TULP3: variants seen among roughly 807,000 people sequenced by gnomAD.
The protein encoded by TULP3 is tubby-related protein 3.
In TULP3, 38 loss-of-function variants were observed where a neutral mutation model predicts 50.7. The observed-to-expected ratio is 0.75, with a 90% CI of 0.58 to 0.98. The LOEUF (loss-of-function observed/expected upper bound fraction) is 0.98, where lower values mean the gene tolerates loss of function less well. TULP3 is among the 50% of genes least tolerant of loss of function. The pLI is 0.00. For missense variants in TULP3, 550 were observed against 568.0 expected (o/e 0.97, Z 0.32); for synonymous variants, 183 against 196.6 (o/e 0.93, Z 0.58).
intron 1 of TULP3, among the ~76,000 whole-genome samples, chr12:2,897,060 G>C (rs897648867): frequency 6.6e-6 from 1 of 152,082 alleles, no homozygotes; most frequent in Admixed American, 6.6e-5. Context: ...CTAGGCTGGA[G>C]TGCAGTGGCA....
Position 2,920,248 on chromosome 12 carries a change from G to A in TULP3, c.94-515G>A, listed in dbSNP as rs137941799. ...GTGTGGGACAGGTGCAGTGGCTCAC[G>A]CCTGTAATCCCAACACTTTGGGAGG... On this transcript the variant is annotated intron_variant, in intron 2 of 10. Transcript: ENST00000448120. Among the ~76,000 whole-genome samples, 20 of 152,266 alleles carry A rather than the reference G, an allele frequency of 1.3e-4. No homozygotes were observed. In the East Asian group the frequency reaches 3.1e-3, roughly 24 times the overall value.
At chr12:2,892,873 AT>A (rs55689820) in intron 1 of TULP3, among the ~76,000 whole-genome samples, 2,683 of 137,384 alleles carry the variant, frequency 0.02, 66 homozygotes, top group African/African-American at 0.059. Context: ...TTTAATTTTA[AT>A]TTTTTTTTTT....
At chr12:2,930,957 T>G in intron 5 of TULP3, 80 bp from the exon 6 acceptor site, 1 of 1,485,728 alleles carries the variant, frequency 6.7e-7, no homozygotes, top group East Asian at 2.3e-5. Context: ...ACTAAGTTGC[T>G]TTGTCCACTA....
At chr12:2,894,644 C>T (rs1223025707) in intron 1 of TULP3, among the ~76,000 whole-genome samples, 6 of 151,866 alleles carry the variant, frequency 4.0e-5, no homozygotes, top group African/African-American at 1.5e-4. Flanking sequence ...GCCTGTAATC[C>T]CAGCACTTTG....
intron 2 of TULP3, among the ~76,000 whole-genome samples, chr12:2,911,617 A>T (rs531378475): frequency 7.5e-6 from 1 of 132,610 alleles, no homozygotes; most frequent in Non-Finnish European, 1.5e-5. Context: ...CGCCCGCCTT[A>T]GCCTCCCAAA....
At chr12:2,913,250 TTTTTTTTA>T (rs1303608643) in intron 2 of TULP3, among the ~76,000 whole-genome samples, 1 of 42,222 alleles carries the variant, frequency 2.4e-5, no homozygotes, top group Non-Finnish European at 4.3e-5. Flanking sequence ...GGCCTTTTAT[TTTTTTTTA>T]TTTTTTTGAG....
intron 1 of TULP3, among the ~76,000 whole-genome samples, chr12:2,906,879 G>A (rs2098182623): frequency 6.6e-6 from 1 of 151,896 alleles, no homozygotes; most frequent in South Asian, 2.1e-4. Flanking sequence ...TCACGTCATT[G>A]TACTCCAGCC....
chr12:2,906,554 T>C (rs1350055259), intron 1 of TULP3, among the ~76,000 whole-genome samples: 2 of 151,034 alleles, frequency 1.3e-5, no homozygotes, highest in East Asian at 4.0e-4. Flanking sequence ...GTCTCGAACT[T>C]CTGGGCTCAG....
At chr12:2,930,717 C>G (rs1378341896) in intron 5 of TULP3, among the ~76,000 whole-genome samples, 1 of 152,126 alleles carries the variant, frequency 6.6e-6, no homozygotes, top group Non-Finnish European at 1.5e-5. Flanking sequence ...GCCACCGTGC[C>G]CAGCCCTCAA....
Position 2,933,517 on chromosome 12 carries a change from G to A in TULP3, c.796G>A (p.Val266Ile). The A allele has an allele frequency of 6.2e-7, 1 of 1,612,962 alleles. No individual in the cohort carries two copies. The highest frequency in any genetic ancestry group is 1.1e-5 in the South Asian group (1 of 91,032). ...TTTATCTCGTGAAGGAGAAAGTTAT[G>A]TCGGCAAGCTTAGGTGAAAGCAACC... ...VDLSREGESY[V>I]GKLRSNLMGT... is the part of the protein sequence containing the mutation. The change falls in exon 7 of 11, where the codon GTC becomes ATC. Residue 266 changes from valine to isoleucine, a missense_variant. By Grantham distance (29) the Val-to-Ile change is conservative (BLOSUM62 3). Coordinates refer to ENST00000448120, the MANE Select transcript of TULP3 (RefSeq NM_003324.5).
intron 1 of TULP3, among the ~76,000 whole-genome samples, chr12:2,898,720 G>A (rs1008465552): frequency 6.6e-6 from 1 of 152,070 alleles, no homozygotes; most frequent in Non-Finnish European, 1.5e-5. Context: ...CTCACTATGT[G>A]CCCAGGCTGA....
At chr12:2,904,406 C>G (rs979111672) in intron 1 of TULP3, among the ~76,000 whole-genome samples, 1 of 152,146 alleles carries the variant, frequency 6.6e-6, no homozygotes, top group Non-Finnish European at 1.5e-5. Context: ...GTCACAGTCA[C>G]AGCTCACTGC....
At position 2,938,231 on chromosome 12, in the gene TULP3, G is replaced by T; in HGVS notation, c.1141G>T (p.Gly381Cys). 1 of 1,614,138 alleles carries T rather than the reference G, an allele frequency of 6.2e-7. No individual in the cohort carries two copies. The highest frequency in any genetic ancestry group is 8.5e-7 in the Non-Finnish European group (1 of 1,180,030). Residue 381 changes from glycine to cysteine, a missense_variant, in exon 10 of 11, where the codon GGC (glycine) becomes TGC (cysteine). Coordinates refer to ENST00000448120, the MANE Select transcript of TULP3 (RefSeq NM_003324.5). ...DTQSYVLNFR[G>C]RVTQASVKNF... ...TCAGTCCTATGTCCTCAACTTCCGT[G>T]GCCGGGTCACTCAGGCGTCTGTGAA... is the stretch of plus-strand genomic sequence containing the variant.
At chr12:2,910,700 A>G (rs2098184971) in intron 2 of TULP3, among the ~76,000 whole-genome samples, 1 of 152,184 alleles carries the variant, frequency 6.6e-6, no homozygotes, top group East Asian at 1.9e-4. Flanking sequence ...TGGTGGAACT[A>G]ATAATGGGAC....
Position 2,931,193 on chromosome 12 carries a change from C to G in TULP3, c.649C>G (p.Leu217Val), listed in dbSNP as rs772659716. ...GGATAAAAGGGGAATGGATCGGGGT[C>G]TCTTCCCCACCTACTATATGTACTT... ...IRDKRGMDRGLFPTYYMYLEK... is the reference protein window; with the variant it reads ...IRDKRGMDRGVFPTYYMYLEK... Residue 217 changes from leucine to valine, a missense_variant, in exon 6 of 11, where the codon CTC becomes GTC. Physicochemically the swap from Leu to Val is conservative, Grantham distance 32. Coordinates refer to ENST00000448120, the MANE Select transcript of TULP3 (RefSeq NM_003324.5). 4 of 1,614,058 alleles carry G rather than the reference C, an allele frequency of 2.5e-6. No individual in the cohort carries two copies. The African/African-American group carries it at 5.3e-5, about 22-fold the overall frequency.
intron 4 of TULP3, among the ~76,000 whole-genome samples, chr12:2,925,063 G>A (rs113706915): frequency 1.5e-3 from 230 of 152,002 alleles, no homozygotes; most frequent in African/African-American, 4.9e-3. Flanking sequence ...AGCTACTCGG[G>A]AGGTTGAGGC....
chr12:2,937,633 AACAAACGT>A lies in TULP3; in HGVS notation c.930_937del (p.Asn311TrpfsTer3), dbSNP rs1591539877. 6.2e-7 allele frequency: 1 copy of A among 1,609,262 alleles called. No homozygotes were observed. On this transcript the variant is annotated frameshift_variant, in exon 9 of 11. Transcript: ENST00000448120. LOFTEE classifies it high-confidence loss of function. ...TGCTTTGTTTTCCTATCTTCCAGGA[AACAAACGT>A]ACTTGGATTTAAAGGTCCTAGGAAA...
intron 4 of TULP3, among the ~76,000 whole-genome samples, chr12:2,927,595 C>G (rs555955533): frequency 6.6e-6 from 1 of 151,938 alleles, no homozygotes; most frequent in Non-Finnish European, 1.5e-5. Context: ...CCTTGTGATC[C>G]ACCCATTTCG....
intron 1 of TULP3, among the ~76,000 whole-genome samples, chr12:2,899,117 G>A (rs1039347215): frequency 2.0e-5 from 3 of 151,960 alleles, no homozygotes; most frequent in African/African-American, 4.8e-5. Flanking sequence ...AGGCTCATGC[G>A]GGTGGGTCAC....
Sources: allele counts gnomAD v4.1 joint callset (sites outside exome capture counted in the v4.1 genomes callset), GRCh38; gene constraint gnomAD v4.1.1; transcripts MANE v1.5; gene names NCBI Gene and HGNC (gene_info 2026-07-23, HGNC 2026-07-21).